The following MYH14 variants were observed in gnomAD, a reference collection of about 807,000 sequenced individuals.
MYH14 encodes myosin-14.
MYH14 carries 123 observed loss-of-function variants against 255.5 expected under a neutral mutation model. The observed-to-expected ratio is 0.48, with a 90% confidence interval of 0.42 to 0.56. MYH14 has a LOEUF of 0.56. MYH14 is among the 20% of genes least tolerant of loss of function. The pLI is 0.00. For synonymous variants in MYH14, 1,095 were observed against 1,161.2 expected (o/e 0.94, Z 1.16); for missense variants, 2,423 against 2,802.3 (o/e 0.86, Z 3.06).
rs1249636861 is a variant in MYH14, at chr19:50,280,398, G to C, written c.4290+15G>C. The C allele has an allele frequency of 2.6e-6, 4 of 1,517,204 alleles. No individual in the cohort carries two copies. The highest frequency in any genetic ancestry group is 3.5e-6 in the Non-Finnish European group (4 of 1,127,010). The allele number at this position is 1,517,204 out of a possible 1,614,324, so 94.0% of individuals were successfully genotyped here. A position where few individuals can be genotyped will look rare whatever the true frequency, so the allele number is the denominator to read the frequency against. ...CCCAGGCCCAGGTGAGCAGCCCTACGTAAGACCTTCAGGGAGGCACAGCCC... is the reference window on the plus strand; with the variant it reads ...CCCAGGCCCAGGTGAGCAGCCCTACCTAAGACCTTCAGGGAGGCACAGCCC... On this transcript the variant is annotated intron_variant, in intron 32 of 42. Transcript: ENST00000642316. This position sits in a 1 kb window ranked among gnomAD's most constrained non-coding sequence, Gnocchi z 4.8.
chr19:50,224,060 T>TCCCCCCCCCC, intron 5 of MYH14, 94 bp from the exon 6 acceptor site: 1 of 390,838 alleles, frequency 2.6e-6, no homozygotes, highest in Non-Finnish European at 4.1e-6. Context: ...CCACCCCCCA[T>TCCCCCCCCCC]GCCACCACCT....
At chr19:50,224,825 C>T (rs1413174213) in intron 6 of MYH14, 2 of 456,408 alleles carry the variant, frequency 4.4e-6, no homozygotes, top group East Asian at 1.4e-4. Context: ...AAATTCTAGG[C>T]TGGGTTTGGT....
chr19:50,208,756 G>A (rs76328981), intron 1 of MYH14, among the ~76,000 whole-genome samples: 2,172 of 152,220 alleles, frequency 0.014, 51 homozygotes, highest in African/African-American at 0.046. Flanking sequence ...ATTTCAGCAT[G>A]TCATCAAATA....
chr19:50,205,979 C>T (rs1331372471), intron 1 of MYH14, among the ~76,000 whole-genome samples: 3 of 152,202 alleles, frequency 2.0e-5, no homozygotes, highest in Admixed American at 6.5e-5. Flanking sequence ...GCAGTCTCGG[C>T]CCCTCCCAGG....
intron 35 of MYH14, among the ~76,000 whole-genome samples, chr19:50,290,237 A>G (rs1259220031): frequency 2.0e-5 from 3 of 150,234 alleles, no homozygotes; most frequent in Non-Finnish European, 3.0e-5. Flanking sequence ...TGACTCACTG[A>G]CCTGCTCATC....
rs145610052 is a variant in MYH14 at position 50,255,619 on chromosome 19, A to G, written c.2044+301A>G. On this transcript the variant is annotated intron_variant, in intron 17 of 42. Transcript: ENST00000642316. Reference sequence around the variant, plus strand: ...ACCCCTTTAGAATTATCAACACCCCATTACACAAATGAGGAAACTAAAGCA... The same window carrying G: ...ACCCCTTTAGAATTATCAACACCCCGTTACACAAATGAGGAAACTAAAGCA... Among the ~76,000 whole-genome samples the G allele has an allele frequency of 4.3e-3, 651 of 152,234 alleles. 5 individuals are homozygous for G. Among genetic ancestry groups the G allele is most frequent in the African/African-American group, 0.015 (631 of 41,534 alleles).
At chr19:50,262,328 C>T (rs949987960) in intron 21 of MYH14, among the ~76,000 whole-genome samples, 5 of 152,002 alleles carry the variant, frequency 3.3e-5, no homozygotes, top group South Asian at 2.1e-4. Flanking sequence ...GAGGCCAAGG[C>T]GGGCGGATCA....
chr19:50,281,804 G>T lies in MYH14; in HGVS notation c.4501G>T (p.Val1501Leu), dbSNP rs761667274. Residue 1501 changes from valine to leucine, a missense_variant, in exon 33 of 43, where the codon GTG becomes TTG. Transcript: ENST00000642316. ...TMDLEQQRQL[V>L]STLEKKQRKF... ...GGACCTGGAGCAGCAGCGGCAGCTT[G>T]TGAGCACCCTGGAGAAGAAGCAGCG... 2 of 1,612,610 alleles carry T rather than the reference G, an allele frequency of 1.2e-6. No individual in the cohort carries two copies. The highest frequency in any genetic ancestry group is 2.7e-5 in the African/African-American group (2 of 74,950).
intron 24 of MYH14, among the ~76,000 whole-genome samples, chr19:50,270,419 C>G (rs2035251434): frequency 2.0e-5 from 3 of 150,908 alleles, no homozygotes; most frequent in Admixed American, 2.0e-4. Flanking sequence ...ACTCGAGAGG[C>G]TGAGGCAGGA....
At position 50,260,378 on chromosome 19, in the gene MYH14, T is replaced by C. The variant is rs114019941; in HGVS notation, c.2355-268T>C. 0.034 allele frequency among the ~76,000 whole-genome samples: 5,224 copies of C among 152,122 alleles called. 291 individuals are homozygous for C. The highest frequency in any genetic ancestry group is 0.12 in the African/African-American group (4,926 of 41,476). ...AGGCGGAGGTCGCAGTGAGGCAAGATCTGACCACTGCACTCCAGCCTGGGC... is the reference window on the plus strand; with the variant it reads ...AGGCGGAGGTCGCAGTGAGGCAAGACCTGACCACTGCACTCCAGCCTGGGC... On this transcript the variant is annotated intron_variant, in intron 19 of 42. Coordinates refer to ENST00000642316, the MANE Select transcript of MYH14 (RefSeq NM_001145809.2).
chr19:50,259,122 C>A, intron 18 of MYH14, 22 bp from the exon 19 acceptor site: 2 of 1,542,068 alleles, frequency 1.3e-6, no homozygotes, highest in Non-Finnish European at 1.8e-6. Context: ...CTGACCCCCG[C>A]GTGTCCGTCC....
At chr19:50,216,774 T>C (rs2032495048) in intron 2 of MYH14, among the ~76,000 whole-genome samples, 1 of 150,430 alleles carries the variant, frequency 6.6e-6, no homozygotes, top group African/African-American at 2.4e-5. Flanking sequence ...TATAAAAATA[T>C]ATAAAAAGAT....
intron 10 of MYH14, among the ~76,000 whole-genome samples, chr19:50,241,092 T>C (rs532421095): frequency 1.4e-3 from 206 of 152,284 alleles, no homozygotes; most frequent in Admixed American, 3.3e-3. Flanking sequence ...CTAGAATGAA[T>C]GGTTGACCAG....
intron 36 of MYH14, among the ~76,000 whole-genome samples, chr19:50,291,529 A>T (rs2036076936): frequency 1.3e-5 from 2 of 151,920 alleles, no homozygotes; most frequent in Admixed American, 1.3e-4. Context: ...GCCTCAAGTG[A>T]TCCACCCGCC....
At chr19:50,237,972 A>G (rs985087108) in intron 10 of MYH14, among the ~76,000 whole-genome samples, 1 of 152,122 alleles carries the variant, frequency 6.6e-6, no homozygotes, top group African/African-American at 2.4e-5. Flanking sequence ...AAGCCAGCCC[A>G]TGATCCAGAG....
Position 50,290,965 on chromosome 19 carries a change from G to A in MYH14, c.5044G>A (p.Gly1682Arg). ...LAVAARKKLE[G>R]ELEELKAQMA... ...CGTGGCTGCCCGCAAGAAGCTGGAGGGAGAGCTGGAGGAGCTGAAGGCTCA... is the reference window on the plus strand; with the variant it reads ...CGTGGCTGCCCGCAAGAAGCTGGAGAGAGAGCTGGAGGAGCTGAAGGCTCA... The change falls in exon 36 of 43, where the codon GGA (glycine) becomes AGA (arginine). Residue 1682 changes from glycine to arginine, a missense_variant. By Grantham distance (125) the Gly-to-Arg change is moderately radical. This residue lies in a region of MYH14 where 1,513 missense variants were observed against 1,674.8 expected (regional missense o/e 0.90). Coordinates refer to ENST00000642316, the MANE Select transcript of MYH14 (RefSeq NM_001145809.2). 6.2e-7 allele frequency: 1 copy of A among 1,606,288 alleles called. No homozygotes were observed. The highest frequency in any genetic ancestry group is 8.5e-7 in the Non-Finnish European group (1 of 1,176,980).
chr19:50,249,845 G>T, intron 14 of MYH14, 22 bp downstream of exon 14: 1 of 1,613,286 alleles, frequency 6.2e-7, no homozygotes, highest in Admixed American at 1.7e-5. Context: ...GCCCCTCCCA[G>T]CCCACACTCA....
At chr19:50,248,933 CT>C in intron 12 of MYH14, 53 bp from the exon 13 acceptor site, 1 of 1,603,882 alleles carries the variant, frequency 6.2e-7, no homozygotes, top group East Asian at 2.2e-5. Flanking sequence ...CCCCCGACGT[CT>C]TTCAGTCTGC....
Position 50,210,456 on chromosome 19 carries a change from C to A in MYH14, c.91C>A (p.Pro31Thr), listed in dbSNP as rs590722. 0.15 allele frequency: 232,469 copies of A among 1,547,002 alleles called. 17,969 individuals carry two copies. Among genetic ancestry groups the A allele is most frequent in the East Asian group, 0.22 (9,033 of 40,536 alleles). Reference sequence around the variant, plus strand: ...GGCGGCCCAGCCGTTCCTGTTCACGCCCCGCGGGCCCAGCGCGGGTGGCGG... The same window carrying A: ...GGCGGCCCAGCCGTTCCTGTTCACGACCCGCGGGCCCAGCGCGGGTGGCGG... ...PEAAQPFLFTPRGPSAGGGPG... is the reference protein window; with the variant it reads ...PEAAQPFLFTTRGPSAGGGPG... The change falls in exon 2 of 43, where the codon CCC becomes ACC. Residue 31 changes from proline to threonine, a missense_variant. By Grantham distance (38) the Pro-to-Thr change is conservative. Around this residue, in one of 3 missense-constraint regions of MYH14, gnomAD observed 238 missense variants for 245.8 expected, o/e 0.97. Transcript: ENST00000642316.
Sources: gnomAD v4.1 joint callset for allele counts (sites outside exome capture counted in the v4.1 genomes callset) on GRCh38, gnomAD v4.1.1 for gene constraint, gnomAD v4.1.1 regional missense constraint, Gnocchi (gnomAD v3.1) non-coding constraint, MANE v1.5 for transcripts, NCBI Gene and HGNC (gene_info 2026-07-23, HGNC 2026-07-21) for gene names.